Variants in TTC39B observed in about 807,000 individuals in gnomAD.
The protein encoded by TTC39B is tetratricopeptide repeat domain 39B.
In TTC39B, 92 loss-of-function variants were observed where a neutral mutation model predicts 96.6. That is an observed-to-expected ratio of 0.95 (90% confidence interval 0.80 to 1.13). The LOEUF is 1.13. Among genes scored for constraint, TTC39B ranks in the 50% most tolerant of loss-of-function variants. The pLI, the probability that TTC39B is intolerant of heterozygous loss-of-function variation, is 0.00. For synonymous variants in TTC39B, 367 were observed against 299.4 expected (o/e 1.23, Z -2.33); for missense variants, 955 against 809.3 (o/e 1.18, Z -2.18).
At chr9:15,305,315 C>G (rs1029643891) in intron 1 of TTC39B, among the ~76,000 whole-genome samples, 1 of 152,212 alleles carries the variant, frequency 6.6e-6, no homozygotes, top group South Asian at 2.1e-4. Flanking sequence ...TCTAAGGCAC[C>G]TACCAAGTTT....
At chr9:15,264,851 G>T (rs554323521) in intron 2 of TTC39B, among the ~76,000 whole-genome samples, 1 of 151,652 alleles carries the variant, frequency 6.6e-6, no homozygotes, top group South Asian at 2.1e-4. Context: ...CGAATCAAAA[G>T]CATCTCCATC....
At chr9:15,298,260 G>A (rs1405153055) in intron 1 of TTC39B, among the ~76,000 whole-genome samples, 2 of 152,072 alleles carry the variant, frequency 1.3e-5, no homozygotes, top group Admixed American at 6.5e-5. Flanking sequence ...TGGTTTTGAG[G>A]CCTCTGTGCT....
At chr9:15,235,314 T>G (rs1350973240) in intron 2 of TTC39B, among the ~76,000 whole-genome samples, 2 of 152,098 alleles carry the variant, frequency 1.3e-5, no homozygotes, top group African/African-American at 4.8e-5. Flanking sequence ...TACAGGATTG[T>G]GCAAAGCAAC....
chr9:15,165,284 T>C (rs1588820994), exon 20 of TTC39B: 1 of 151,904 alleles, frequency 6.6e-6, no homozygotes, highest in African/African-American at 2.4e-5. Flanking sequence ...GAGGCAGAGG[T>C]TGTGGTAAGC....
chr9:15,252,777 G>A (rs1822610857), intron 2 of TTC39B, among the ~76,000 whole-genome samples: 1 of 152,152 alleles, frequency 6.6e-6, no homozygotes, highest in Non-Finnish European at 1.5e-5. Context: ...GATACTAATC[G>A]TAGGGGGAAC....
chr9:15,199,356 G>C (rs1819371885), intron 8 of TTC39B, among the ~76,000 whole-genome samples: 1 of 152,106 alleles, frequency 6.6e-6, no homozygotes, highest in Non-Finnish European at 1.5e-5. Context: ...TCTTAAAATT[G>C]TATTTAAACT....
intron 3 of TTC39B, 66 bp from the exon 4 acceptor site, chr9:15,214,315 A>AGTGTGTGTGTGTGT (rs199807096): frequency 2.1e-4 from 151 of 732,822 alleles, no homozygotes; most frequent in African/African-American, 9.5e-4. Flanking sequence ...GTCCGAAGGG[A>AGTGTGTGTGTGTGT]GTGTGTGTGT....
At chr9:15,200,984 C>T (rs10114698) in intron 7 of TTC39B, among the ~76,000 whole-genome samples, 60,810 of 151,866 alleles carry the variant, frequency 0.4, 12,784 homozygotes, top group East Asian at 0.66. Context: ...GGTGACAGAG[C>T]GAGACTCCAT....
chr9:15,185,244 A>C, intron 16 of TTC39B, 36 bp downstream of exon 16: 3 of 1,578,692 alleles, frequency 1.9e-6, no homozygotes, highest in Non-Finnish European at 2.6e-6. Context: ...TAGGTAATTT[A>C]TTTCTAGTAC....
At chr9:15,200,749 C>T (rs993418284) in intron 7 of TTC39B, among the ~76,000 whole-genome samples, 4 of 152,190 alleles carry the variant, frequency 2.6e-5, no homozygotes, top group Admixed American at 6.5e-5. Context: ...GCCTATAATC[C>T]CAGCACTTTG....
In TTC39B at chr9:15,248,067, A is replaced by AT. The variant is rs201181026; in HGVS notation, c.275+19846dup. ...TCAATCAACATGGTTGCTGTTGAAG[A>AT]TTTTTTTTAAAAGCCAAAAACAGAT... is the stretch of plus-strand genomic sequence containing the variant. On this transcript the variant is annotated intron_variant, in intron 2 of 19. Coordinates refer to ENST00000512701, the Ensembl canonical transcript of TTC39B. Among the ~76,000 whole-genome samples, 595 of 152,226 alleles carry AT rather than the reference A, an allele frequency of 3.9e-3. 8 individuals carry two copies. Among genetic ancestry groups the AT allele is most frequent in the African/African-American group, 0.013 (542 of 41,544 alleles).
Position 15,232,163 on chromosome 9 carries a change from TA to T in TTC39B, c.276-6152del, listed in dbSNP as rs1305522679. The T allele has an allele frequency of 2.0e-5, 3 of 152,538 alleles. No individual in the cohort carries two copies. The South Asian group carries it at 6.2e-4, about 32-fold the overall frequency. 9.4% of individuals were successfully genotyped at this position (152,538 alleles called of 1,614,324 possible). Reference sequence around the variant, plus strand: ...ACAACAGAGGTCTCATCACAGTAAATAAAAATCAAGTATATACCCATCTGCT... The same window carrying T: ...ACAACAGAGGTCTCATCACAGTAAATAAAATCAAGTATATACCCATCTGCT... On this transcript the variant is annotated intron_variant, in intron 2 of 19. Coordinates refer to ENST00000512701, the Ensembl canonical transcript of TTC39B.
intron 8 of TTC39B, among the ~76,000 whole-genome samples, chr9:15,194,264 T>C (rs750031781): frequency 2.0e-5 from 3 of 152,238 alleles, no homozygotes; most frequent in African/African-American, 7.2e-5. Flanking sequence ...TTATGTTTCC[T>C]GCTAGAATTC....
At chr9:15,173,960 A>G (rs995578564) in intron 19 of TTC39B, among the ~76,000 whole-genome samples, 17 of 152,148 alleles carry the variant, frequency 1.1e-4, no homozygotes, top group African/African-American at 4.1e-4. Context: ...AACCTCCTCA[A>G]TGCAGATGTT....
intron 1 of TTC39B, among the ~76,000 whole-genome samples, chr9:15,280,623 C>A (rs915462098): frequency 1.3e-5 from 2 of 152,182 alleles, no homozygotes; most frequent in Non-Finnish European, 2.9e-5. Flanking sequence ...TGATACCCCG[C>A]TTTTGCTTAG....
chr9:15,206,513 T>C (rs561794473), intron 6 of TTC39B, among the ~76,000 whole-genome samples: 42 of 152,360 alleles, frequency 2.8e-4, no homozygotes, highest in Non-Finnish European at 4.6e-4. Context: ...TTGATTTACA[T>C]TGCATAGTTC....
At chr9:15,203,004 G>T (rs1222696764) in intron 7 of TTC39B, among the ~76,000 whole-genome samples, 1 of 152,122 alleles carries the variant, frequency 6.6e-6, no homozygotes, top group African/African-American at 2.4e-5. Flanking sequence ...TCTTCCAAAG[G>T]AAGAAATAAA....
intron 1 of TTC39B, among the ~76,000 whole-genome samples, chr9:15,284,906 C>G (rs1357040448): frequency 2.0e-5 from 3 of 151,894 alleles, no homozygotes; most frequent in African/African-American, 7.3e-5. Context: ...ATCGAACGTA[C>G]CTAGAGAAAA....
At chr9:15,190,160 A>G (rs1353925727) in intron 11 of TTC39B, among the ~76,000 whole-genome samples, 1 of 152,208 alleles carries the variant, frequency 6.6e-6, no homozygotes, top group African/African-American at 2.4e-5. Context: ...AGAACAGATG[A>G]AAATTATTTA....
Sources: gnomAD v4.1 joint callset for allele counts (sites outside exome capture counted in the v4.1 genomes callset) on GRCh38, gnomAD v4.1.1 for gene constraint, MANE v1.5 for transcripts, NCBI Gene and HGNC (gene_info 2026-07-23, HGNC 2026-07-21) for gene names.